Variants in CUL5 observed in about 807,000 individuals in gnomAD.
The protein encoded by CUL5 is cullin-5.
A neutral mutation model predicts 108.8 loss-of-function variants in CUL5; 26 were observed. That is an observed-to-expected ratio of 0.24 (90% CI 0.18 to 0.33). The LOEUF is 0.33. Among genes scored for constraint, CUL5 ranks in the 10% least tolerant of loss-of-function variants. The pLI, the probability that CUL5 is intolerant of heterozygous loss-of-function variation, is 1.00. For missense variants in CUL5, 524 were observed against 909.2 expected, an observed-to-expected ratio of 0.58 and a Z score of 5.45; for synonymous variants, 334 against 298.0, an observed-to-expected ratio of 1.12 and a Z score of -1.25.
At chr11:108,095,363 A>G (rs1376761222) in intron 15 of CUL5, among the ~76,000 whole-genome samples, 167 bp from the exon 16 acceptor site, 1 of 152,180 alleles carries the variant, frequency 6.6e-6, no homozygotes, top group African/African-American at 2.4e-5. Flanking sequence ...AAGCTGGGAG[A>G]TGAGCGTGTA....
At chr11:108,078,296 G>A in intron 11 of CUL5, 56 bp downstream of exon 11, 2 of 918,018 alleles carry the variant, frequency 2.2e-6, no homozygotes, top group East Asian at 2.6e-5. Context: ...AGTGTAATAG[G>A]GGTTAACTAG....
Position 108,106,568 on chromosome 11 carries a change from A to G in CUL5, c.*2184A>G, listed in dbSNP as rs1356411919. ...TTTTTTTTTTTTGGTTATGTATACA[A>G]AAGTTTTAACTACTTTTTGGTGTTT... On this transcript the variant is annotated 3_prime_UTR_variant, in exon 19 of 19. Transcript: ENST00000393094. 1 of 151,368 alleles carries G rather than the reference A, an allele frequency of 6.6e-6. No individual in the cohort carries two copies. Among genetic ancestry groups the G allele is most frequent in the Non-Finnish European group, 1.5e-5 (1 of 67,726 alleles). The allele number at this position is 151,368 out of a possible 1,614,324, so 9.4% of individuals were successfully genotyped here. A position where few individuals can be genotyped will look rare whatever the true frequency, so the allele number is the denominator to read the frequency against.
chr11:108,085,471 T>C (rs573976789), intron 11 of CUL5, among the ~76,000 whole-genome samples: 40 of 152,248 alleles, frequency 2.6e-4, no homozygotes, highest in African/African-American at 9.1e-4. Flanking sequence ...GATTTCTGTT[T>C]GGGATAATGA....
chr11:108,066,000 T>G (rs1057371359), intron 7 of CUL5, among the ~76,000 whole-genome samples: 1 of 152,336 alleles, frequency 6.6e-6, no homozygotes, highest in Middle Eastern at 3.4e-3. Context: ...GAATTCAGGA[T>G]AATCTTTCAT....
At chr11:108,029,730 A>G (rs930778915) in intron 1 of CUL5, among the ~76,000 whole-genome samples, 2 of 152,230 alleles carry the variant, frequency 1.3e-5, no homozygotes, top group Non-Finnish European at 2.9e-5. Context: ...AAAATTGAGT[A>G]TTAGGGAAAC....
chr11:108,080,986 T>G (rs1283806442), intron 11 of CUL5, among the ~76,000 whole-genome samples: 2 of 141,006 alleles, frequency 1.4e-5, no homozygotes, highest in Non-Finnish European at 3.1e-5. Flanking sequence ...ATTTATTTAT[T>G]TATTTGAGAG....
chr11:108,070,040 A>G, intron 7 of CUL5, 56 bp from the exon 8 acceptor site: 1 of 1,078,468 alleles, frequency 9.3e-7, no homozygotes, highest in Non-Finnish European at 1.4e-6. Flanking sequence ...GTGAGTTAGA[A>G]TAGATTTGTG....
At chr11:108,028,982 G>C (rs967897544) in intron 1 of CUL5, among the ~76,000 whole-genome samples, 1 of 152,120 alleles carries the variant, frequency 6.6e-6, no homozygotes, top group African/African-American at 2.4e-5. Context: ...TTACTTCTAT[G>C]ACCTTATCTG....
At position 108,104,573 on chromosome 11, in the gene CUL5, T is replaced by G; in HGVS notation, c.*189T>G. 1 of 445,300 alleles carries G rather than the reference T, an allele frequency of 2.2e-6. No individual in the cohort carries two copies. The highest frequency in any genetic ancestry group is 3.9e-6 in the Non-Finnish European group (1 of 253,964). The allele number at this position is 445,300 out of a possible 1,614,324, so 27.6% of individuals were successfully genotyped here. A position where few individuals can be genotyped will look rare whatever the true frequency, so the allele number is the denominator to read the frequency against. Reference sequence around the variant, plus strand: ...TTAGCATGATGGCATTCCCTTCATGTTGCACACTCTTTGACAGCATGCTGT... The same window carrying G: ...TTAGCATGATGGCATTCCCTTCATGGTGCACACTCTTTGACAGCATGCTGT... On this transcript the variant is annotated 3_prime_UTR_variant, in exon 19 of 19. Transcript: ENST00000393094.
At chr11:108,046,156 C>T (rs1863062342) in intron 2 of CUL5, 114 bp from the exon 3 acceptor site, 2 of 600,546 alleles carry the variant, frequency 3.3e-6, no homozygotes, top group Non-Finnish European at 5.7e-6. Flanking sequence ...AATTCAGACA[C>T]CATTTACTTG....
chr11:108,072,465 A>G lies in CUL5; in HGVS notation c.1005+3A>G. 6.2e-7 allele frequency: 1 copy of G among 1,600,802 alleles called. No homozygotes were observed. The highest frequency in any genetic ancestry group is 2.2e-5 in the East Asian group (1 of 44,722). ...CAGCTGCTGAAACTATTACTACTGT[A>G]AGTTTTTTTTCAATGGCAATGATAG... On this transcript the variant is annotated splice_donor_region_variant and intron_variant, in intron 9 of 18. Transcript: ENST00000393094.
rs1204385615 is a variant in CUL5, at chr11:108,106,144, A to G, written c.*1760A>G. 2 of 152,482 alleles carry G rather than the reference A, an allele frequency of 1.3e-5. No homozygotes were observed. Among genetic ancestry groups the G allele is most frequent in the East Asian group, 3.8e-4 (2 of 5,208 alleles). 9.4% of individuals were successfully genotyped at this position (152,482 alleles called of 1,614,324 possible). ...TTCTCTAATTAGGTGACTGTTCATA[A>G]TGGGTATATTTGGAATTTAGAAGAA... On this transcript the variant is annotated 3_prime_UTR_variant, in exon 19 of 19. Transcript: ENST00000393094.
chr11:108,027,606 T>C (rs1321126784), intron 1 of CUL5, among the ~76,000 whole-genome samples: 1 of 151,932 alleles, frequency 6.6e-6, no homozygotes, highest in Non-Finnish European at 1.5e-5. Flanking sequence ...ACAGGCTTTT[T>C]CCATGTTGCC....
chr11:108,073,338 TTG>T (rs1863870232), intron 9 of CUL5, 50 bp from the exon 10 acceptor site: 1 of 776,342 alleles, frequency 1.3e-6, no homozygotes, highest in East Asian at 2.8e-5. Flanking sequence ...TCTCATTTTT[TTG>T]TGTTATTCTT....
chr11:108,034,364 A>G (rs1339796746), intron 2 of CUL5, among the ~76,000 whole-genome samples: 1 of 152,178 alleles, frequency 6.6e-6, no homozygotes, highest in African/African-American at 2.4e-5. Flanking sequence ...GTCTCTCTCA[A>G]CATGTACCAA....
chr11:108,010,885 G>T (rs1242332475), intron 1 of CUL5, among the ~76,000 whole-genome samples: 2 of 152,134 alleles, frequency 1.3e-5, no homozygotes, highest in African/African-American at 2.4e-5. Flanking sequence ...GATTGTTTTA[G>T]ATACATTAAT....
In CUL5 at chr11:108,106,044, A is replaced by G. The variant is rs1229616889; in HGVS notation, c.*1660A>G. On this transcript the variant is annotated 3_prime_UTR_variant, in exon 19 of 19. Transcript: ENST00000393094. ...ATTGGAATTTTGTTTAAAATTTTAC[A>G]CTTTAAGGTAGCAAATGTCAATTAT... The G allele has an allele frequency of 6.6e-6, 1 of 152,172 alleles. No homozygotes were observed. Among genetic ancestry groups the G allele is most frequent in the African/African-American group, 2.4e-5 (1 of 41,456 alleles). The allele number at this position is 152,172 out of a possible 1,614,324, so 9.4% of individuals were successfully genotyped here.
At chr11:108,050,175 C>T in intron 4 of CUL5, 109 bp downstream of exon 4, 7 of 817,684 alleles carry the variant, frequency 8.6e-6, no homozygotes, top group Non-Finnish European at 1.3e-5. Context: ...CTTCACATGT[C>T]AATTGCTTTT....
At chr11:108,082,218 C>G (rs1864105005) in intron 11 of CUL5, among the ~76,000 whole-genome samples, 2 of 150,076 alleles carry the variant, frequency 1.3e-5, no homozygotes, top group Admixed American at 6.7e-5. Context: ...CTCCCTCTTT[C>G]CTTTCTTTTC....
Sources: gnomAD v4.1 joint callset for allele counts (sites outside exome capture counted in the v4.1 genomes callset) on GRCh38, gnomAD v4.1.1 for gene constraint, MANE v1.5 for transcripts, NCBI Gene and HGNC (gene_info 2026-07-23, HGNC 2026-07-21) for gene names.